MYRFL: variants seen among roughly 807,000 people sequenced by gnomAD.
The protein encoded by MYRFL is myelin regulatory factor like.
In MYRFL, 88 loss-of-function variants were observed where a neutral mutation model predicts 109.4. That is an observed-to-expected ratio of 0.80 (90% confidence interval 0.68 to 0.96). The LOEUF is 0.96. Among genes scored for constraint, MYRFL ranks in the 40% least tolerant of loss-of-function variants. The pLI, the probability that MYRFL is intolerant of heterozygous loss-of-function variation, is 0.00. For missense variants in MYRFL, 957 were observed against 954.9 expected, an observed-to-expected ratio of 1.00 and a Z score of -0.03; for synonymous variants, 324 against 320.9, an observed-to-expected ratio of 1.01 and a Z score of -0.10.
In MYRFL at chr12:69,899,507, C is replaced by T. The variant is rs558330737; in HGVS notation, c.1182+2261C>T. ...GGCCTGGTTCTGTTAGTTTAAGCTC[C>T]GGAATGAAGAATGGGAAGAAAAATT... On this transcript the variant is annotated intron_variant, in intron 10 of 24. Transcript: ENST00000552032. 9.9e-5 allele frequency among the ~76,000 whole-genome samples: 15 copies of T among 152,206 alleles called. No homozygotes were observed. The East Asian group carries it at 2.1e-3, about 22-fold the overall frequency.
intron 2 of MYRFL, among the ~76,000 whole-genome samples, chr12:69,874,523 A>G (rs182848446): frequency 1.3e-5 from 2 of 152,330 alleles, no homozygotes; most frequent in East Asian, 3.9e-4. Flanking sequence ...TTTACATTCA[A>G]TAATATATCA....
chr12:69,834,279 T>C (rs1194206809), intron 1 of MYRFL, among the ~76,000 whole-genome samples: 1 of 152,168 alleles, frequency 6.6e-6, no homozygotes, highest in Non-Finnish European at 1.5e-5. Context: ...AGAAGTAATG[T>C]GTTCTGAAGA....
intron 19 of MYRFL, among the ~76,000 whole-genome samples, chr12:69,943,964 C>G (rs1228205384): frequency 2.0e-5 from 3 of 148,584 alleles, no homozygotes; most frequent in Admixed American, 1.3e-4. Context: ...CAGAGAAATG[C>G]AAATCAAAAC....
In MYRFL at chr12:69,897,086, T is replaced by TTA. The variant is rs557551443; in HGVS notation, c.1092-70_1092-69insTA. 6.1e-5 allele frequency: 60 copies of TTA among 978,424 alleles called. No individual in the cohort carries two copies. In the East Asian group the frequency reaches 1.5e-3, roughly 25 times the overall value. The allele number at this position is 978,424 out of a possible 1,614,324, so 60.6% of individuals were successfully genotyped here. ...AGTTCACTATTGATCAACTGTTGGG[T>TTA]GGTATTTGTTTGTACAAATTGTGTC... On this transcript the variant is annotated intron_variant, in intron 9 of 24. Transcript: ENST00000552032.
At chr12:69,826,114 T>C (rs1342077191) in intron 1 of MYRFL, among the ~76,000 whole-genome samples, 1 of 152,046 alleles carries the variant, frequency 6.6e-6, no homozygotes, top group African/African-American at 2.4e-5. Context: ...ATGGGCTGAA[T>C]AGTAAACAAT....
Position 69,825,237 on chromosome 12 carries a change from C to G in MYRFL, c.-281C>G, listed in dbSNP as rs1882203273. The G allele has an allele frequency of 8.5e-6, 5 of 587,494 alleles. No homozygotes were observed. Among genetic ancestry groups the G allele is most frequent in the African/African-American group, 1.9e-5 (1 of 53,380 alleles). 36.4% of individuals were successfully genotyped at this position (587,494 alleles called of 1,614,324 possible). ...TTAAAGACGAAAAGCAGAGTAGAAA[C>G]AGTTCCTTATATTAAGACAGATGAA... On this transcript the variant is annotated 5_prime_UTR_variant, in exon 1 of 25. Coordinates refer to ENST00000552032, the MANE Select transcript of MYRFL (RefSeq NM_182530.3).
rs116613124 is a variant in MYRFL at position 69,920,249 on chromosome 12, T to G, written c.1603-6322T>G. On this transcript the variant is annotated intron_variant, in intron 13 of 24. Coordinates refer to ENST00000552032, the MANE Select transcript of MYRFL (RefSeq NM_182530.3). The stretch of plus-strand genomic sequence containing the variant: ...GCCCATTGCCCTAGATGATAAACAC[T>G]AGTGTTTATCTAATTCACTCACATT... Among the ~76,000 whole-genome samples the G allele has an allele frequency of 8.9e-3, 1,353 of 152,244 alleles. 22 individuals are homozygous for G. The highest frequency in any genetic ancestry group is 0.03 in the African/African-American group (1,256 of 41,542).
intron 19 of MYRFL, among the ~76,000 whole-genome samples, chr12:69,951,423 C>CTTTTTTT (rs11310328): frequency 2.2e-5 from 2 of 89,200 alleles, no homozygotes; most frequent in East Asian, 3.2e-4. Context: ...TCCTAACCTG[C>CTTTTTTT]TTTTTTTTTT....
intron 2 of MYRFL, among the ~76,000 whole-genome samples, chr12:69,870,099 C>CTTTTTTT (rs754843682): frequency 8.6e-5 from 7 of 81,328 alleles, no homozygotes; most frequent in African/African-American, 2.6e-4. Context: ...ATTTTTCTTC[C>CTTTTTTT]TTTTTTTTTT....
intron 14 of MYRFL, 42 bp downstream of exon 14, chr12:69,926,776 G>C: frequency 7.3e-7 from 1 of 1,366,648 alleles, no homozygotes; most frequent in Admixed American, 2.9e-5. Flanking sequence ...GGGGAAAGGA[G>C]AGAGTGAGCT....
At chr12:69,906,695 C>T (rs1304208357) in intron 11 of MYRFL, among the ~76,000 whole-genome samples, 3 of 152,184 alleles carry the variant, frequency 2.0e-5, no homozygotes. Flanking sequence ...TGCAAAGTCT[C>T]CCTCTGGGCC....
chr12:69,906,347 C>T (rs544821871), intron 11 of MYRFL, among the ~76,000 whole-genome samples: 22 of 152,212 alleles, frequency 1.4e-4, no homozygotes, highest in Non-Finnish European at 2.9e-4. Context: ...CCATTGGCAT[C>T]GTGTCTACTG....
intron 19 of MYRFL, among the ~76,000 whole-genome samples, chr12:69,937,020 A>T (rs1398865720): frequency 6.6e-6 from 1 of 152,174 alleles, no homozygotes; most frequent in Non-Finnish European, 1.5e-5. Context: ...AAAATGTAAG[A>T]GACTTTGGAA....
chr12:69,837,022 T>C (rs1398133819), intron 1 of MYRFL, among the ~76,000 whole-genome samples: 4 of 152,158 alleles, frequency 2.6e-5, no homozygotes, highest in Admixed American at 2.0e-4. Flanking sequence ...TTCCATCAAC[T>C]TGTTGGTCCT....
At chr12:69,943,930 A>G (rs868285202) in intron 19 of MYRFL, among the ~76,000 whole-genome samples, 1,564 of 151,372 alleles carry the variant, frequency 0.01, 8 homozygotes, top group Middle Eastern at 0.021. Context: ...AACACATGAA[A>G]AAATGCTCAT....
intron 2 of MYRFL, among the ~76,000 whole-genome samples, chr12:69,856,086 C>A (rs970196177): frequency 6.6e-6 from 1 of 152,114 alleles, no homozygotes; most frequent in Non-Finnish European, 1.5e-5. Flanking sequence ...TGATCAGACT[C>A]ACCATCTACA....
chr12:69,916,359 A>G (rs1396798665), intron 13 of MYRFL, among the ~76,000 whole-genome samples: 1 of 152,132 alleles, frequency 6.6e-6, no homozygotes, highest in Non-Finnish European at 1.5e-5. Context: ...GGAAGACTTG[A>G]GAGGCAAGCA....
rs1283231716 is a variant in MYRFL at position 69,903,864 on chromosome 12, C to T, written c.1383+20C>T. 76 of 1,499,218 alleles carry T rather than the reference C, an allele frequency of 5.1e-5. No individual in the cohort carries two copies. Among genetic ancestry groups the T allele is most frequent in the Non-Finnish European group, 6.6e-5 (74 of 1,125,360 alleles). 92.9% of individuals were successfully genotyped at this position (1,499,218 alleles called of 1,614,324 possible). A position where few individuals can be genotyped will look rare whatever the true frequency, so the allele number is the denominator to read the frequency against. On this transcript the variant is annotated intron_variant, in intron 11 of 24. Coordinates refer to ENST00000552032, the MANE Select transcript of MYRFL (RefSeq NM_182530.3). ...CAGGAGGTGAGCACAGATTCAGGCC[C>T]TGGGCCCCTCCTCTGACACCCCAGT... is the stretch of plus-strand genomic sequence containing the variant.
In MYRFL at chr12:69,855,278, A is replaced by C. The variant is rs1469147123; in HGVS notation, c.47-2A>C. On this transcript the variant is annotated splice_acceptor_variant, in intron 1 of 24. Coordinates refer to ENST00000552032, the MANE Select transcript of MYRFL (RefSeq NM_182530.3). LOFTEE classifies it high-confidence loss of function. ...CTCAAGATTTTCAATTTGCCTTTGCAGCTCAGGGAGCCAATGGTACTCTGG... is the reference window on the plus strand; with the variant it reads ...CTCAAGATTTTCAATTTGCCTTTGCCGCTCAGGGAGCCAATGGTACTCTGG... The C allele has an allele frequency of 2.9e-6, 2 of 699,862 alleles. No individual in the cohort carries two copies. The highest frequency in any genetic ancestry group is 2.7e-5 in the East Asian group (1 of 37,272). The allele number at this position is 699,862 out of a possible 1,614,324, so 43.4% of individuals were successfully genotyped here.
Sources: gnomAD v4.1 joint callset for allele counts (sites outside exome capture counted in the v4.1 genomes callset) on GRCh38, gnomAD v4.1.1 for gene constraint, MANE v1.5 for transcripts, NCBI Gene and HGNC (gene_info 2026-07-23, HGNC 2026-07-21) for gene names.